Variants in COL4A5 observed in about 807,000 individuals in gnomAD.
The protein encoded by COL4A5 is collagen alpha-5(IV) chain.
COL4A5 carries 26 observed loss-of-function variants against 130.2 expected under a neutral mutation model. The observed-to-expected ratio is 0.20, with a 90% CI of 0.15 to 0.28. The LOEUF is 0.28. Among genes scored for constraint, COL4A5 ranks in the 10% least tolerant of loss-of-function variants. The pLI, the probability that COL4A5 is intolerant of heterozygous loss-of-function variation, is 1.00. For synonymous variants in COL4A5, 496 were observed against 439.6 expected (o/e 1.13, Z -1.60); for missense variants, 1,131 against 1,344.3 (o/e 0.84, Z 2.48).
Position 108,688,892 on chromosome X carries a change from G to A in COL4A5, c.4528+1198G>A, listed in dbSNP as rs748876012. ...CTGTGGAAATGTTTCTGCAGCAGCA[G>A]AGACCCCGGAGGTCAGCTTTACTCC... On this transcript the variant is annotated intron_variant, in intron 49 of 52. Coordinates refer to ENST00000328300, the MANE Select transcript of COL4A5 (RefSeq NM_033380.3). 2.7e-5 allele frequency among the ~76,000 whole-genome samples: 3 copies of A among 111,642 alleles called. 1 individual carries two copies. In the Admixed American group the frequency reaches 2.9e-4, roughly 11 times the overall value.
At chrX:108,621,931 G>A (rs1197632820) in intron 32 of COL4A5, 39 bp downstream of exon 32, 2 of 975,362 alleles carry the variant, frequency 2.1e-6, no homozygotes, top group Non-Finnish European at 1.5e-6. Flanking sequence ...ATGTGAGAGG[G>A]AAAATTAAAT....
chrX:108,692,889 C>T lies in COL4A5; in HGVS notation c.4670C>T (p.Pro1557Leu), dbSNP rs1249698475. 1.7e-6 allele frequency: 2 copies of T among 1,209,646 alleles called. No individual in the cohort carries two copies. Among genetic ancestry groups the T allele is most frequent in the African/African-American group, 1.8e-5 (1 of 57,127 alleles). ...TPEPMPMSMQ[P>L]LKGQSIQPFI... ...GAGCCCATGCCAATGAGCATGCAAC[C>T]CCTAAAGGGCCAGAGCATCCAGCCA... Residue 1557 changes from proline to leucine, a missense_variant, in exon 50 of 53, where the codon CCC becomes CTC. Physicochemically the swap from Pro to Leu is moderately conservative, Grantham distance 98. Transcript: ENST00000328300.
At chrX:108,686,860 A>T (rs1177050730) in intron 48 of COL4A5, among the ~76,000 whole-genome samples, 2 of 112,216 alleles carry the variant, frequency 1.8e-5, no homozygotes, top group Non-Finnish European at 3.8e-5. Flanking sequence ...TAGCCTTCCT[A>T]GAGTCAATGC....
At chrX:108,628,821 C>T (rs1257606869) in intron 36 of COL4A5, among the ~76,000 whole-genome samples, 1 of 111,180 alleles carries the variant, frequency 9.0e-6, no homozygotes, top group Non-Finnish European at 1.9e-5. Flanking sequence ...TATGATTTAC[C>T]AGGTACTGTT....
chrX:108,578,211 GTTATC>G, intron 12 of COL4A5, 75 bp from the exon 13 acceptor site: 1 of 1,122,380 alleles, frequency 8.9e-7, no homozygotes, highest in Non-Finnish European at 1.2e-6. Flanking sequence ...GCTTCTTGAA[GTTATC>G]TTATCTTACA....
intron 2 of COL4A5, among the ~76,000 whole-genome samples, chrX:108,545,723 T>A (rs2065636854): frequency 9.0e-6 from 1 of 111,021 alleles, no homozygotes; most frequent in Admixed American, 9.6e-5. Flanking sequence ...AAGTCTCCCA[T>A]TATTATTGTG....
intron 16 of COL4A5, among the ~76,000 whole-genome samples, chrX:108,582,332 C>G (rs185246808): frequency 9.0e-6 from 1 of 111,126 alleles, no homozygotes; most frequent in Non-Finnish European, 1.9e-5. Flanking sequence ...ATTGGGGTTG[C>G]GGGGTGGGGA....
chrX:108,559,039 A>G (rs770686720), intron 2 of COL4A5, 25 bp from the exon 3 acceptor site: 14 of 1,144,080 alleles, frequency 1.2e-5, no homozygotes, highest in African/African-American at 3.5e-5. Flanking sequence ...AAATGACCTT[A>G]CCTTTCATTC....
chrX:108,511,657 A>T (rs2065180374), intron 1 of COL4A5, among the ~76,000 whole-genome samples: 1 of 111,669 alleles, frequency 9.0e-6, no homozygotes, highest in Non-Finnish European at 1.9e-5. Flanking sequence ...AAAAACTCTC[A>T]CCTTTATAGT....
chrX:108,504,205 T>A (rs1171264090), intron 1 of COL4A5, among the ~76,000 whole-genome samples: 2 of 111,530 alleles, frequency 1.8e-5, no homozygotes, highest in Non-Finnish European at 3.8e-5. Flanking sequence ...TGAAACTGGA[T>A]CCTTAAGTCT....
At chrX:108,559,625 T>C (rs991100516) in intron 3 of COL4A5, among the ~76,000 whole-genome samples, 2 of 112,087 alleles carry the variant, frequency 1.8e-5, no homozygotes, top group African/African-American at 3.2e-5. Flanking sequence ...AGCACAGATG[T>C]TGGAAATCAT....
At chrX:108,677,732 A>G in intron 44 of COL4A5, 99 bp downstream of exon 44, 1 of 1,031,946 alleles carries the variant, frequency 9.7e-7, no homozygotes. Context: ...CACTCACTAG[A>G]CAAGGTTCTA....
intron 1 of COL4A5, among the ~76,000 whole-genome samples, chrX:108,504,863 A>G (rs958595531): frequency 8.9e-6 from 1 of 112,328 alleles, no homozygotes; most frequent in Non-Finnish European, 1.9e-5. Flanking sequence ...TAGACCTACC[A>G]TTCAATCCAG....
chrX:108,692,652 C>A (rs193157822), intron 49 of COL4A5, 96 bp from the exon 50 acceptor site: 3 of 791,029 alleles, frequency 3.8e-6, no homozygotes, highest in African/African-American at 4.1e-5. Context: ...GAAAGGCTGG[C>A]AAGTTTCCTT....
intron 1 of COL4A5, among the ~76,000 whole-genome samples, chrX:108,486,930 T>G: frequency 8.9e-6 from 1 of 112,422 alleles, no homozygotes; most frequent in South Asian, 3.6e-4. Flanking sequence ...TTGTTTTTGC[T>G]TGTTTGTTTG....
At position 108,597,527 on chromosome X, in the gene COL4A5, C is replaced by A; in HGVS notation, c.1738C>A (p.Gln580Lys). ...TCCTGGTTTACCTGGCACTCCTGGA[C>A]AGGATGGATTGCCAGGGCTTCCTGG... ...GLPGLPGTPG[Q>K]DGLPGLPGPK... The change falls in exon 24 of 53, where the codon CAG (glutamine) becomes AAG (lysine). Residue 580 changes from glutamine (Q) to lysine (K), a missense_variant. Physicochemically the swap from Gln to Lys is moderately conservative, Grantham distance 53 (BLOSUM62 1). Coordinates refer to ENST00000328300, the MANE Select transcript of COL4A5 (RefSeq NM_033380.3). 1 of 1,210,470 alleles carries A rather than the reference C, an allele frequency of 8.3e-7. No individual in the cohort carries two copies. Among genetic ancestry groups the A allele is most frequent in the Non-Finnish European group, 1.1e-6 (1 of 895,184 alleles).
At chrX:108,604,163 A>G (rs1460458369) in intron 28 of COL4A5, among the ~76,000 whole-genome samples, 1 of 112,439 alleles carries the variant, frequency 8.9e-6, no homozygotes, top group East Asian at 2.8e-4. Context: ...AATTTTCTTC[A>G]TGACATCTAG....
intron 43 of COL4A5, among the ~76,000 whole-genome samples, chrX:108,677,259 T>C (rs1219053287): frequency 1.8e-5 from 2 of 112,263 alleles, no homozygotes; most frequent in Non-Finnish European, 3.8e-5. Flanking sequence ...TAGATGTTAT[T>C]TTATTGAATT....
rs886637261 is a variant in COL4A5 at position 108,667,193 on chromosome X, A to G, written c.3604+10A>G. 1.7e-6 allele frequency: 2 copies of G among 1,186,103 alleles called. No homozygotes were observed. The highest frequency in any genetic ancestry group is 2.3e-6 in the Non-Finnish European group (2 of 871,981). On this transcript the variant is annotated intron_variant, in intron 40 of 52. Coordinates refer to ENST00000328300, the MANE Select transcript of COL4A5 (RefSeq NM_033380.3). Reference sequence around the variant, plus strand: ...CTTCCAGGACTTTCTGGTAAACCTTAATAAAACATGCTAAATCAATCTATA... The same window carrying G: ...CTTCCAGGACTTTCTGGTAAACCTTGATAAAACATGCTAAATCAATCTATA...
Sources: allele counts gnomAD v4.1 joint callset (sites outside exome capture counted in the v4.1 genomes callset), GRCh38; gene constraint gnomAD v4.1.1; transcripts MANE v1.5; gene names NCBI Gene and HGNC (gene_info 2026-07-23, HGNC 2026-07-21).